NEK7: variants seen among roughly 807,000 people sequenced by gnomAD.
NEK7 encodes the protein serine/threonine-protein kinase Nek7.
A neutral mutation model predicts 44.6 loss-of-function variants in NEK7; 18 were observed. That is an observed-to-expected ratio of 0.40 (90% CI 0.28 to 0.60). The LOEUF is 0.60. Among genes scored for constraint, NEK7 ranks in the 20% least tolerant of loss-of-function variants. The pLI, the probability that NEK7 is intolerant of heterozygous loss-of-function variation, is 0.38. For missense variants in NEK7, 256 were observed against 366.5 expected (o/e 0.70, Z 2.46); for synonymous variants, 130 against 121.1 (o/e 1.07, Z -0.48).
chr1:198,205,571 A>G (rs1665569753), intron 1 of NEK7, among the ~76,000 whole-genome samples: 1 of 152,162 alleles, frequency 6.6e-6, no homozygotes. Context: ...CAAAATAATT[A>G]GGTTTATATA....
At chr1:198,216,676 G>A (rs1274185972) in intron 1 of NEK7, among the ~76,000 whole-genome samples, 2 of 151,788 alleles carry the variant, frequency 1.3e-5, no homozygotes, top group South Asian at 2.1e-4. Flanking sequence ...AAACAAAATC[G>A]ATAGGCCACT....
At chr1:198,176,514 G>A (rs1163114181) in intron 1 of NEK7, among the ~76,000 whole-genome samples, 1 of 152,024 alleles carries the variant, frequency 6.6e-6, no homozygotes, top group Non-Finnish European at 1.5e-5. Context: ...TAAGGAGTGA[G>A]GTTGAGGAGA....
chr1:198,301,275 G>A (rs1424885202), intron 9 of NEK7, among the ~76,000 whole-genome samples: 1 of 152,236 alleles, frequency 6.6e-6, no homozygotes, highest in Non-Finnish European at 1.5e-5. Flanking sequence ...TATGGGCCGG[G>A]CGCTGTGGCT....
intron 1 of NEK7, among the ~76,000 whole-genome samples, chr1:198,216,531 C>A (rs1051272175): frequency 7.9e-5 from 12 of 151,640 alleles, no homozygotes; most frequent in Non-Finnish European, 1.8e-4. Context: ...CTTAGAGAGA[C>A]AAGAACAAAC....
intron 1 of NEK7, among the ~76,000 whole-genome samples, chr1:198,189,554 A>G (rs911101789): frequency 6.6e-6 from 1 of 152,094 alleles, no homozygotes; most frequent in Non-Finnish European, 1.5e-5. Context: ...TTTGTATACA[A>G]ATTTTCGGCC....
At chr1:198,282,702 T>C (rs1449196346) in intron 7 of NEK7, among the ~76,000 whole-genome samples, 4 of 152,060 alleles carry the variant, frequency 2.6e-5, no homozygotes, top group Non-Finnish European at 4.4e-5. Context: ...GGTGGTGAAG[T>C]GATGAAGATG....
At chr1:198,172,267 G>C (rs887136520) in intron 1 of NEK7, among the ~76,000 whole-genome samples, 5 of 152,136 alleles carry the variant, frequency 3.3e-5, no homozygotes, top group Admixed American at 6.5e-5. Context: ...TTGAGTAGCT[G>C]TGACTTTTTA....
chr1:198,256,292 CA>C, intron 3 of NEK7: 1 of 1,537,486 alleles, frequency 6.5e-7, no homozygotes, highest in Non-Finnish European at 8.7e-7. Flanking sequence ...GGGCTATTAA[CA>C]AAGGATGTGT....
chr1:198,258,735 C>G (rs1157465730), intron 3 of NEK7, among the ~76,000 whole-genome samples: 2 of 152,192 alleles, frequency 1.3e-5, no homozygotes, highest in African/African-American at 4.8e-5. Context: ...CAGCTCATCC[C>G]TTGCTCTTAC....
intron 3 of NEK7, among the ~76,000 whole-genome samples, chr1:198,262,287 T>C (rs563134974): frequency 6.6e-6 from 1 of 152,090 alleles, no homozygotes; most frequent in African/African-American, 2.4e-5. Context: ...GCTATTACTT[T>C]ATCATCTTAA....
chr1:198,315,492 G>A (rs1196344676), intron 9 of NEK7, among the ~76,000 whole-genome samples: 1 of 152,206 alleles, frequency 6.6e-6, no homozygotes, highest in Non-Finnish European at 1.5e-5. Context: ...GCTTTTCTAA[G>A]AGGTATGAGG....
intron 3 of NEK7, among the ~76,000 whole-genome samples, chr1:198,258,176 A>C (rs1197063956): frequency 6.6e-6 from 1 of 152,154 alleles, no homozygotes; most frequent in Non-Finnish European, 1.5e-5. Flanking sequence ...ACGGTGACTC[A>C]ACGCCTGTAA....
intron 2 of NEK7, among the ~76,000 whole-genome samples, chr1:198,249,320 T>C (rs1003589126): frequency 6.6e-6 from 1 of 152,114 alleles, no homozygotes; most frequent in African/African-American, 2.4e-5. Context: ...TTCCAAGTCT[T>C]TGCTGTTGGG....
chr1:198,274,618 G>A (rs1317399407), intron 5 of NEK7, among the ~76,000 whole-genome samples: 1 of 151,634 alleles, frequency 6.6e-6, no homozygotes, highest in East Asian at 1.9e-4. Context: ...TATCACTGAA[G>A]CTCTTCCTGA....
chr1:198,308,648 G>T (rs936247771), intron 9 of NEK7, among the ~76,000 whole-genome samples: 2 of 152,106 alleles, frequency 1.3e-5, no homozygotes, highest in Non-Finnish European at 2.9e-5. Context: ...TCTCCCTCTT[G>T]CCTTAAATAC....
intron 3 of NEK7, among the ~76,000 whole-genome samples, chr1:198,258,317 T>C (rs1653343817): frequency 6.6e-6 from 1 of 152,148 alleles, no homozygotes; most frequent in Non-Finnish European, 1.5e-5. Context: ...CACACGCCTG[T>C]AGTCCCAGCT....
intron 1 of NEK7, among the ~76,000 whole-genome samples, chr1:198,214,937 C>G (rs34918359): frequency 0.094 from 14,318 of 152,130 alleles, 993 homozygotes; most frequent in South Asian, 0.26. Flanking sequence ...ACAAAAGCAT[C>G]AGGTAACCTA....
At chr1:198,197,897 A>C in intron 1 of NEK7, 1 of 1,152,706 alleles carries the variant, frequency 8.7e-7, no homozygotes, top group East Asian at 2.4e-5. Flanking sequence ...TATCACTCCT[A>C]GTCCGAACAT....
chr1:198,315,893 G>A (rs1655354448), intron 9 of NEK7, among the ~76,000 whole-genome samples: 1 of 152,200 alleles, frequency 6.6e-6, no homozygotes, highest in Non-Finnish European at 1.5e-5. Context: ...CTGCAAAGAG[G>A]TCTAGGCTGG....
Sources: allele counts gnomAD v4.1 joint callset (sites outside exome capture counted in the v4.1 genomes callset), GRCh38; gene constraint gnomAD v4.1.1; transcripts MANE v1.5; gene names NCBI Gene and HGNC (gene_info 2026-07-23, HGNC 2026-07-21).